The following KANK1 variants were observed in gnomAD, a reference collection of about 807,000 sequenced individuals.
KANK1 encodes the protein KN motif and ankyrin repeat domain-containing protein 1.
In KANK1, 109 loss-of-function variants were observed where a neutral mutation model predicts 106.2. That is an observed-to-expected ratio of 1.03 (90% CI 0.88 to 1.20). KANK1 has a LOEUF of 1.20. Ranked by LOEUF, KANK1 falls within the 50% of genes most tolerant of loss-of-function variation. The pLI is 0.00. For synonymous variants in KANK1, 873 were observed against 652.2 expected, an observed-to-expected ratio of 1.34 and a Z score of -5.16; for missense variants, 2,399 against 1,710.7, an observed-to-expected ratio of 1.40 and a Z score of -7.10.
chr9:646,860 AT>A (rs34747459), intron 1 of KANK1, among the ~76,000 whole-genome samples: 2 of 148,602 alleles, frequency 1.3e-5, no homozygotes, highest in Non-Finnish European at 1.5e-5. Flanking sequence ...CGCCTGGCTA[AT>A]TTTTTTTTGT....
At chr9:485,061 C>T (rs1419479032) in intron 3 of KANK1, among the ~76,000 whole-genome samples, 2 of 152,224 alleles carry the variant, frequency 1.3e-5, no homozygotes, top group Admixed American at 6.5e-5. Flanking sequence ...GGTTCTTGGG[C>T]TTTAAGAAAC....
intron 1 of KANK1, among the ~76,000 whole-genome samples, chr9:545,537 G>A (rs992328091): frequency 5.3e-5 from 8 of 152,026 alleles, no homozygotes; most frequent in African/African-American, 1.4e-4. Context: ...AGACTGAGGA[G>A]GAATGGACAG....
chr9:625,534 G>A (rs912255348), intron 1 of KANK1, among the ~76,000 whole-genome samples: 7 of 151,630 alleles, frequency 4.6e-5, no homozygotes, highest in African/African-American at 9.7e-5. Context: ...ATAGTTATCC[G>A]TTGTTAAAAG....
chr9:521,612 G>A (rs2059557428), intron 1 of KANK1, among the ~76,000 whole-genome samples: 1 of 147,226 alleles, frequency 6.8e-6, no homozygotes, highest in African/African-American at 2.6e-5. Flanking sequence ...CGTCACCCAG[G>A]CTGGAGTGCA....
intron 2 of KANK1, among the ~76,000 whole-genome samples, chr9:679,526 T>A (rs1817099281): frequency 6.6e-6 from 1 of 152,202 alleles, no homozygotes; most frequent in South Asian, 2.1e-4. Flanking sequence ...GTGATTCTTG[T>A]GCCTCAGCCT....
intron 1 of KANK1, among the ~76,000 whole-genome samples, chr9:617,507 A>G (rs544615968): frequency 6.6e-6 from 1 of 152,232 alleles, no homozygotes; most frequent in South Asian, 2.1e-4. Context: ...AGGACCCTGG[A>G]GCTTTGTTCT....
rs989417178 is a variant in KANK1, at chr9:661,665, G to C, written c.-83-15225G>C. Among the ~76,000 whole-genome samples, 14 of 152,106 alleles carry C rather than the reference G, an allele frequency of 9.2e-5. 1 individual carries two copies. The highest frequency in any genetic ancestry group is 1.5e-5 in the Non-Finnish European group (1 of 68,042). ...AGTAATGGGATCACTGGGTCAAGTG[G>C]TATTTCTAATTCTAGATCGTTGAGG... is the stretch of plus-strand genomic sequence containing the variant. On this transcript the variant is annotated intron_variant, in intron 1 of 11. Coordinates refer to ENST00000382297, the MANE Select transcript of KANK1 (RefSeq NM_015158.5).
At position 742,307 on chromosome 9, in the gene KANK1, G is replaced by T. The variant is rs369885159; in HGVS notation, c.3799G>T (p.Gly1267Cys). 6.2e-7 allele frequency: 1 copy of T among 1,614,166 alleles called. No homozygotes were observed. Among genetic ancestry groups the T allele is most frequent in the Non-Finnish European group, 8.5e-7 (1 of 1,180,002 alleles). ...TGATGTCAACATCCAGGATGACGAG[G>T]GCTCCACGGCCCTCATGTGTGCCAG... ...GADVNIQDDE[G>C]STALMCASEH... The change falls in exon 10 of 12, where the codon GGC becomes TGC. Residue 1267 changes from glycine (G) to cysteine (C), a missense_variant. Coordinates refer to ENST00000382297, the MANE Select transcript of KANK1 (RefSeq NM_015158.5).
At chr9:663,962 G>A (rs74694408) in intron 1 of KANK1, among the ~76,000 whole-genome samples, 8,093 of 152,134 alleles carry the variant, frequency 0.053, 234 homozygotes, top group African/African-American at 0.066. Flanking sequence ...AAATAAGGTC[G>A]TATGGTTTGG....
chr9:684,644 A>C, intron 2 of KANK1: 1 of 914,660 alleles, frequency 1.1e-6, no homozygotes, highest in Non-Finnish European at 1.3e-6. Flanking sequence ...GGGCTAGCTG[A>C]GCCCATCAAA....
chr9:508,547 C>CTATGAA (rs2058881055), intron 1 of KANK1, among the ~76,000 whole-genome samples: 1 of 146,242 alleles, frequency 6.8e-6, no homozygotes, highest in African/African-American at 2.8e-5. Flanking sequence ...TGCAGAAGTG[C>CTATGAA]CCCTATACTC....
intron 3 of KANK1, chr9:476,699 G>C (rs138588338): frequency 1.3e-5 from 2 of 152,160 alleles, no homozygotes; most frequent in Non-Finnish European, 1.5e-5. Context: ...GATGGACTCT[G>C]TTCTCTGCAC....
chr9:549,076 TTTTC>T (rs1335275833), intron 1 of KANK1: 4 of 152,120 alleles, frequency 2.6e-5, no homozygotes, highest in African/African-American at 7.2e-5. Flanking sequence ...CTAAAGTTTC[TTTTC>T]TTTTTTTTTT....
Position 637,104 on chromosome 9 carries a change from A to G in KANK1, c.-83-39786A>G, listed in dbSNP as rs190536562. On this transcript the variant is annotated intron_variant, in intron 1 of 11. Transcript: ENST00000382297. Reference sequence around the variant, plus strand: ...TTCTACTTTATTCCACTCCTCCAACAACTCCTTAATTTCTGCTGTATCAGC... The same window carrying G: ...TTCTACTTTATTCCACTCCTCCAACGACTCCTTAATTTCTGCTGTATCAGC... 4.3e-4 allele frequency among the ~76,000 whole-genome samples: 66 copies of G among 152,188 alleles called. 1 individual carries two copies. In the East Asian group the frequency reaches 0.012, roughly 28 times the overall value.
chr9:672,224 T>C (rs1212030831), intron 1 of KANK1, among the ~76,000 whole-genome samples: 1 of 152,232 alleles, frequency 6.6e-6, no homozygotes. Context: ...AAACTCCCTG[T>C]GCTTGTTTCT....
chr9:574,582 C>T (rs1820054844), intron 1 of KANK1, among the ~76,000 whole-genome samples: 1 of 152,134 alleles, frequency 6.6e-6, no homozygotes, highest in South Asian at 2.1e-4. Flanking sequence ...CTCAGCCGCG[C>T]GTGGTGGCTT....
chr9:693,308 C>A lies in KANK1; in HGVS notation c.37+16299C>A, dbSNP rs549804694. 1.3e-5 allele frequency: 11 copies of A among 828,932 alleles called. No homozygotes were observed. In the African/African-American group the frequency reaches 1.7e-4, roughly 13 times the overall value. 51.3% of individuals were successfully genotyped at this position (828,932 alleles called of 1,614,324 possible). On this transcript the variant is annotated intron_variant, in intron 2 of 11. Transcript: ENST00000382297. ...TTTCCTTCACAAGCCAGCTGCTGTG[C>A]TATAGCTCAAATTGTAACAGAGAGC...
chr9:551,716 A>G (rs2061293535), intron 1 of KANK1, among the ~76,000 whole-genome samples: 1 of 152,142 alleles, frequency 6.6e-6, no homozygotes, highest in Non-Finnish European at 1.5e-5. Flanking sequence ...ACGACATTAA[A>G]AAGATACCAT....
rs569388817 is a variant in KANK1 at position 645,037 on chromosome 9, T to C, written c.-83-31853T>C. On this transcript the variant is annotated intron_variant, in intron 1 of 11. Transcript: ENST00000382297. Reference sequence around the variant, plus strand: ...TACTCTGGAGGCTCAGGCAGGAGAATTGTTTGAACCTGGGAGGCAGAGGTT... The same window carrying C: ...TACTCTGGAGGCTCAGGCAGGAGAACTGTTTGAACCTGGGAGGCAGAGGTT... Among the ~76,000 whole-genome samples, 127 of 148,626 alleles carry C rather than the reference T, an allele frequency of 8.5e-4. 2 individuals carry two copies. The South Asian group carries it at 0.013, about 15-fold the overall frequency.
Sources: gnomAD v4.1 joint callset for allele counts (sites outside exome capture counted in the v4.1 genomes callset) on GRCh38, gnomAD v4.1.1 for gene constraint, MANE v1.5 for transcripts, NCBI Gene and HGNC (gene_info 2026-07-23, HGNC 2026-07-21) for gene names.